Variants in NADSYN1 observed in about 807,000 individuals in gnomAD.
NADSYN1 encodes NAD synthetase 1.
Under a neutral mutation model 99.3 loss-of-function variants are expected in NADSYN1, and 80 were observed. That is an observed-to-expected ratio of 0.81 (90% CI 0.67 to 0.97). The LOEUF (loss-of-function observed/expected upper bound fraction) is 0.97, where lower values mean the gene tolerates loss of function less well. Ranked by LOEUF, NADSYN1 falls within the 50% of genes least tolerant of loss-of-function variation. The pLI is 0.00. For missense variants in NADSYN1, 859 were observed against 948.5 expected (o/e 0.91, Z 1.24); for synonymous variants, 385 against 372.1 (o/e 1.03, Z -0.40).
intron 9 of NADSYN1, chr11:71,476,004 G>C: frequency 2.2e-6 from 1 of 455,848 alleles, no homozygotes; most frequent in South Asian, 1.5e-5. Flanking sequence ...GTGAGCCACC[G>C]CACCCGGCCT....
At chr11:71,492,905 T>A (rs1445821933) in intron 18 of NADSYN1, among the ~76,000 whole-genome samples, 4 of 142,664 alleles carry the variant, frequency 2.8e-5, no homozygotes, top group East Asian at 2.1e-4. Flanking sequence ...TTTTTTTTTT[T>A]AGACAATGTC....
chr11:71,491,688 C>T (rs1031408794), intron 17 of NADSYN1, 146 bp from the exon 18 acceptor site: 47 of 693,544 alleles, frequency 6.8e-5, no homozygotes, highest in Non-Finnish European at 9.8e-5. Flanking sequence ...GAAAGCCCAG[C>T]ACCGCAAGCC....
intron 16 of NADSYN1, among the ~76,000 whole-genome samples, chr11:71,486,691 C>T (rs1015927220): frequency 1.3e-5 from 2 of 151,302 alleles, no homozygotes; most frequent in African/African-American, 4.9e-5. Context: ...GTCCACCCAA[C>T]CCATCCATCC....
intron 9 of NADSYN1, chr11:71,477,363 G>A: frequency 7.8e-7 from 1 of 1,289,770 alleles, no homozygotes; most frequent in Non-Finnish European, 1.0e-6. Flanking sequence ...CCAGGGTGCT[G>A]TCACTTTGGG....
At chr11:71,477,505 C>T (rs572649565) in intron 9 of NADSYN1, 22 of 1,230,966 alleles carry the variant, frequency 1.8e-5, no homozygotes, top group South Asian at 2.6e-5. Flanking sequence ...TCCTGTGAAC[C>T]GCCGCAGTGG....
Position 71,474,999 on chromosome 11 carries a change from C to T in NADSYN1, c.798+473C>T, listed in dbSNP as rs115867227. The T allele has an allele frequency of 2.9e-3, 577 of 199,884 alleles. 4 individuals are homozygous for T. The highest frequency in any genetic ancestry group is 0.012 in the African/African-American group (518 of 44,172). The allele number at this position is 199,884 out of a possible 1,614,324, so 12.4% of individuals were successfully genotyped here. ...GGAGTGTGCTCAGGAACAGAGGGGA[C>T]GGCCCCCGCTGTGGGAGGCGGGCTC... On this transcript the variant is annotated intron_variant, in intron 9 of 20. Transcript: ENST00000319023.
chr11:71,454,792 C>T (rs1336993276), intron 1 of NADSYN1, among the ~76,000 whole-genome samples: 1 of 152,206 alleles, frequency 6.6e-6, no homozygotes, highest in Non-Finnish European at 1.5e-5. Context: ...TCCTCTTCCT[C>T]CGCCTCCTCC....
At chr11:71,456,206 C>T (rs757084001) in intron 2 of NADSYN1, among the ~76,000 whole-genome samples, 1 of 152,244 alleles carries the variant, frequency 6.6e-6, no homozygotes, top group Non-Finnish European at 1.5e-5. Flanking sequence ...TCTCTAAGTC[C>T]TTCCAAGTTT....
chr11:71,472,430 T>G lies in NADSYN1; in HGVS notation c.408-19T>G. 6.3e-7 allele frequency: 1 copy of G among 1,599,548 alleles called. No homozygotes were observed. The highest frequency in any genetic ancestry group is 1.3e-5 in the African/African-American group (1 of 74,948). The stretch of plus-strand genomic sequence containing the variant: ...TCCTGAGATGCTCATCCTCAGCTCC[T>G]CGGTGTTTTCCTCTCCAGGCACACA... On this transcript the variant is annotated intron_variant, in intron 5 of 20. Transcript: ENST00000319023.
At chr11:71,465,340 A>G (rs1159127399) in intron 5 of NADSYN1, among the ~76,000 whole-genome samples, 1 of 152,192 alleles carries the variant, frequency 6.6e-6, no homozygotes, top group Non-Finnish European at 1.5e-5. Context: ...GAAGATGCAC[A>G]GAAACATGGA....
At chr11:71,460,507 C>T (rs1591121967) in intron 3 of NADSYN1, among the ~76,000 whole-genome samples, 1 of 152,142 alleles carries the variant, frequency 6.6e-6, no homozygotes. Context: ...CACACCAGTA[C>T]ACCTGGCTAA....
intron 5 of NADSYN1, among the ~76,000 whole-genome samples, chr11:71,469,927 G>GTAAAAAAAAAAAA (rs1555149512): frequency 9.2e-6 from 1 of 109,180 alleles, no homozygotes; most frequent in African/African-American, 3.8e-5. Context: ...GCCTGTCTCA[G>GTAAAAAAAAAAAA]AAAAAAAAAA....
Position 71,480,880 on chromosome 11 carries a change from G to A in NADSYN1, c.998+1G>A. The A allele has an allele frequency of 6.2e-7, 1 of 1,614,028 alleles. No individual in the cohort carries two copies. On this transcript the variant is annotated splice_donor_variant, in intron 11 of 20. Transcript: ENST00000319023. LOFTEE classifies it high-confidence loss of function. Reference sequence around the variant, plus strand: ...ACCACAGCCCTGAGGAGGAGATAAGGTGTGTGGCCCCTGACCCCTGGGAGG... The same window carrying A: ...ACCACAGCCCTGAGGAGGAGATAAGATGTGTGGCCCCTGACCCCTGGGAGG...
At chr11:71,473,400 C>G in intron 7 of NADSYN1, 34 bp downstream of exon 7, 1 of 1,605,630 alleles carries the variant, frequency 6.2e-7, no homozygotes. Flanking sequence ...TCTGATCGCC[C>G]ACCTCATATG....
At chr11:71,455,519 T>G in intron 2 of NADSYN1, 1 of 257,888 alleles carries the variant, frequency 3.9e-6, no homozygotes, top group East Asian at 8.6e-5. Context: ...GATGATGGAA[T>G]TAAGAGATGA....
intron 11 of NADSYN1, 87 bp downstream of exon 11, chr11:71,480,966 T>C (rs1051992017): frequency 1.5e-5 from 24 of 1,557,212 alleles, no homozygotes; most frequent in Non-Finnish European, 2.0e-5. Context: ...ACGCAGTGGG[T>C]TTTCAGAACC....
At chr11:71,477,456 G>A (rs3794065) in intron 9 of NADSYN1, 1,189,108 of 1,289,126 alleles carry the variant, frequency 0.92, 553,200 homozygotes, top group Non-Finnish European at 0.96. Flanking sequence ...CCCCTGTTAC[G>A]GCGGTAGGAG....
At chr11:71,454,946 G>A (rs1949503196) in intron 1 of NADSYN1, among the ~76,000 whole-genome samples, 164 bp from the exon 2 acceptor site, 1 of 152,174 alleles carries the variant, frequency 6.6e-6, no homozygotes, top group Non-Finnish European at 1.5e-5. Context: ...CTGCCATGCT[G>A]TCAACAGGAA....
At chr11:71,468,668 A>T (rs1192756973) in intron 5 of NADSYN1, among the ~76,000 whole-genome samples, 1 of 152,248 alleles carries the variant, frequency 6.6e-6, no homozygotes, top group East Asian at 1.9e-4. Context: ...AGTAGTCACT[A>T]CAAATAAAAA....
Sources: allele counts gnomAD v4.1 joint callset (sites outside exome capture counted in the v4.1 genomes callset), GRCh38; gene constraint gnomAD v4.1.1; transcripts MANE v1.5; gene names NCBI Gene and HGNC (gene_info 2026-07-23, HGNC 2026-07-21).